The following NRG1 variants were observed in gnomAD, a reference collection of about 807,000 sequenced individuals.
NRG1 encodes the protein neuregulin 1.
NRG1 carries 18 observed loss-of-function variants against 63.8 expected under a neutral mutation model. The ratio of observed to expected loss-of-function variants is 0.28; its 90% CI spans 0.19 to 0.42. The LOEUF (loss-of-function observed/expected upper bound fraction) is 0.42, where lower values mean the gene tolerates loss of function less well. NRG1 is among the 10% of genes least tolerant of loss of function. The pLI is 1.00. For synonymous variants in NRG1, 302 were observed against 301.3 expected (o/e 1.00, Z -0.02); for missense variants, 762 against 814.7 (o/e 0.94, Z 0.79).
chr8:32,332,533 A>G (rs940386577), intron 1 of NRG1, among the ~76,000 whole-genome samples: 1 of 152,182 alleles, frequency 6.6e-6, no homozygotes, highest in Non-Finnish European at 1.5e-5. Context: ...TTTGTATAAT[A>G]AACACCTGTA....
intron 1 of NRG1, among the ~76,000 whole-genome samples, chr8:31,786,062 A>G (rs1291909759): frequency 1.3e-5 from 2 of 152,234 alleles, no homozygotes; most frequent in Non-Finnish European, 2.9e-5. Context: ...TGCAGAAAAA[A>G]TTAATTTGAA....
intron 1 of NRG1, among the ~76,000 whole-genome samples, chr8:31,968,976 T>G (rs773735258): frequency 1.3e-5 from 2 of 152,204 alleles, no homozygotes; most frequent in Non-Finnish European, 2.9e-5. Flanking sequence ...TCTCATCTCC[T>G]CCTCAGCTCT....
intron 1 of NRG1, among the ~76,000 whole-genome samples, chr8:31,926,750 A>T (rs578127657): frequency 6.6e-6 from 1 of 152,236 alleles, no homozygotes; most frequent in South Asian, 2.1e-4. Flanking sequence ...TTAGTAGGCT[A>T]AAGTTAGAAA....
At chr8:32,759,629 G>A (rs1367043983) in intron 10 of NRG1, among the ~76,000 whole-genome samples, 193 bp downstream of exon 10, 1 of 152,138 alleles carries the variant, frequency 6.6e-6, no homozygotes, top group Admixed American at 6.6e-5. Flanking sequence ...CCACAGGGCC[G>A]TTGTTTCCCA....
intron 1 of NRG1, among the ~76,000 whole-genome samples, chr8:32,175,013 G>GC (rs1189178024): frequency 6.6e-6 from 1 of 152,100 alleles, no homozygotes; most frequent in Non-Finnish European, 1.5e-5. Flanking sequence ...CCAAAGCCTG[G>GC]CAGAGACATA....
At chr8:32,678,317 G>A (rs962397122) in intron 5 of NRG1, among the ~76,000 whole-genome samples, 1 of 152,144 alleles carries the variant, frequency 6.6e-6, no homozygotes, top group Non-Finnish European at 1.5e-5. Context: ...GGAGATGGCA[G>A]AGAACTGTGC....
At chr8:32,615,824 G>A (rs567236131) in intron 4 of NRG1, among the ~76,000 whole-genome samples, 1 of 151,830 alleles carries the variant, frequency 6.6e-6, no homozygotes, top group Admixed American at 6.6e-5. Context: ...AGTCTAAGAG[G>A]TTGTTACTCT....
intron 1 of NRG1, among the ~76,000 whole-genome samples, chr8:32,387,719 A>G (rs1751837771): frequency 9.8e-6 from 1 of 102,324 alleles, no homozygotes; most frequent in Non-Finnish European, 2.2e-5. Flanking sequence ...TGACATGATG[A>G]AAAAGAAAAA....
chr8:32,735,574 T>G (rs1444614355), intron 6 of NRG1, among the ~76,000 whole-genome samples: 1 of 152,162 alleles, frequency 6.6e-6, no homozygotes, highest in East Asian at 1.9e-4. Flanking sequence ...ACAGGGAAAC[T>G]TCCTCAAGAG....
At chr8:31,917,910 G>T (rs147419900) in intron 1 of NRG1, among the ~76,000 whole-genome samples, 1,842 of 152,256 alleles carry the variant, frequency 0.012, 44 homozygotes, top group African/African-American at 0.042. Context: ...TCTCCTTGAA[G>T]AGGTCCTTCA....
intron 1 of NRG1, among the ~76,000 whole-genome samples, chr8:31,741,139 T>A (rs1815229447): frequency 6.6e-6 from 1 of 152,010 alleles, no homozygotes; most frequent in Admixed American, 6.6e-5. Context: ...ATATCGCATG[T>A]TCTCACTTAC....
chr8:31,902,758 C>T (rs1322046446), intron 1 of NRG1, among the ~76,000 whole-genome samples: 3 of 152,054 alleles, frequency 2.0e-5, no homozygotes, highest in East Asian at 1.9e-4. Flanking sequence ...AAGTATATGC[C>T]TAATTTATGT....
At chr8:32,224,240 G>A (rs2132510648) in intron 1 of NRG1, among the ~76,000 whole-genome samples, 1 of 152,232 alleles carries the variant, frequency 6.6e-6, no homozygotes, top group South Asian at 2.1e-4. Context: ...TAACAACCAA[G>A]CGGCTGAATG....
chr8:31,823,942 G>A (rs549067638), intron 1 of NRG1, among the ~76,000 whole-genome samples: 1 of 152,202 alleles, frequency 6.6e-6, no homozygotes, highest in Non-Finnish European at 1.5e-5. Flanking sequence ...AAAGGTCTTG[G>A]TTCTTATAAG....
chr8:32,193,943 A>G (rs975157786), intron 1 of NRG1, among the ~76,000 whole-genome samples: 1 of 152,244 alleles, frequency 6.6e-6, no homozygotes, highest in East Asian at 1.9e-4. Flanking sequence ...GCACCTGCAG[A>G]GGAAGCAGCC....
chr8:32,304,356 T>C (rs990249731), intron 1 of NRG1, among the ~76,000 whole-genome samples: 2 of 152,184 alleles, frequency 1.3e-5, no homozygotes, highest in Non-Finnish European at 2.9e-5. Context: ...AACTAAAGAA[T>C]TGTAGAATAA....
chr8:31,790,247 C>T (rs1382803854), intron 1 of NRG1, among the ~76,000 whole-genome samples: 1 of 151,894 alleles, frequency 6.6e-6, no homozygotes, highest in South Asian at 2.1e-4. Context: ...GGATATGGGA[C>T]CCTAAAACTA....
chr8:32,211,668 T>C (rs539440381), intron 1 of NRG1, among the ~76,000 whole-genome samples: 1 of 152,330 alleles, frequency 6.6e-6, no homozygotes, highest in Non-Finnish European at 1.5e-5. Context: ...TCTTTCCATA[T>C]TTTTATTTAT....
At chr8:32,291,844 T>C (rs2129474107) in intron 1 of NRG1, among the ~76,000 whole-genome samples, 1 of 152,276 alleles carries the variant, frequency 6.6e-6, no homozygotes, top group South Asian at 2.1e-4. Context: ...TGATACTGTT[T>C]GGCATGTGAC....
Sources: allele counts gnomAD v4.1 joint callset (sites outside exome capture counted in the v4.1 genomes callset), GRCh38; gene constraint gnomAD v4.1.1; transcripts MANE v1.5; gene names NCBI Gene and HGNC (gene_info 2026-07-23, HGNC 2026-07-21).